TLL2: variants seen among roughly 807,000 people sequenced by gnomAD.
The protein encoded by TLL2 is tolloid like 2.
A neutral mutation model predicts 123.0 loss-of-function variants in TLL2; 106 were observed. The ratio of observed to expected loss-of-function variants is 0.86; its 90% CI spans 0.74 to 1.01. The LOEUF (loss-of-function observed/expected upper bound fraction) is 1.01, where lower values mean the gene tolerates loss of function less well. Ranked by LOEUF, TLL2 falls within the 50% of genes least tolerant of loss-of-function variation. The probability of loss-of-function intolerance (pLI) is 0.00; values close to 1 mark genes in which losing one functional copy is unlikely to be tolerated. For synonymous variants in TLL2, 494 were observed against 516.8 expected, an observed-to-expected ratio of 0.96 and a Z score of 0.60; for missense variants, 1,332 against 1,336.7, an observed-to-expected ratio of 1.00 and a Z score of 0.06.
chr10:96,506,275 A>G (rs1001512689), intron 1 of TLL2, among the ~76,000 whole-genome samples: 2 of 150,402 alleles, frequency 1.3e-5, no homozygotes, highest in African/African-American at 2.4e-5. Context: ...AGAAAAAAAA[A>G]AAAGAAAAAA....
intron 7 of TLL2, among the ~76,000 whole-genome samples, chr10:96,417,180 C>T (rs1234379317): frequency 6.6e-6 from 1 of 152,168 alleles, no homozygotes; most frequent in Non-Finnish European, 1.5e-5. Flanking sequence ...TTACAGAATC[C>T]AACATGAGGT....
At chr10:96,483,020 G>C (rs1002505527) in intron 1 of TLL2, among the ~76,000 whole-genome samples, 4 of 152,192 alleles carry the variant, frequency 2.6e-5, no homozygotes, top group Admixed American at 6.5e-5. Context: ...GAAAATAACT[G>C]TATGTGGCTA....
At chr10:96,462,966 C>G (rs943350285) in intron 2 of TLL2, among the ~76,000 whole-genome samples, 1 of 152,224 alleles carries the variant, frequency 6.6e-6, no homozygotes, top group African/African-American at 2.4e-5. Context: ...GGCAGATCAT[C>G]CGGCCTCAGC....
intron 10 of TLL2, among the ~76,000 whole-genome samples, chr10:96,404,663 A>G (rs1252677507): frequency 6.6e-6 from 1 of 151,960 alleles, no homozygotes; most frequent in Non-Finnish European, 1.5e-5. Flanking sequence ...CACAAATCCC[A>G]TCTCCTTCAT....
chr10:96,378,212 A>G (rs931526498), intron 17 of TLL2, among the ~76,000 whole-genome samples: 2 of 152,244 alleles, frequency 1.3e-5, no homozygotes, highest in African/African-American at 4.8e-5. Flanking sequence ...TTTATTCCAG[A>G]GATCAGGGTG....
At chr10:96,435,880 C>T (rs1388824672) in intron 3 of TLL2, among the ~76,000 whole-genome samples, 12 of 152,200 alleles carry the variant, frequency 7.9e-5, no homozygotes. Context: ...TTTCCTGTGT[C>T]TCACATTTTG....
chr10:96,453,273 T>C (rs1055154813), intron 2 of TLL2, among the ~76,000 whole-genome samples: 4 of 152,020 alleles, frequency 2.6e-5, no homozygotes, highest in African/African-American at 9.7e-5. Flanking sequence ...CTGCTCAACA[T>C]GGCGAAACCC....
At chr10:96,440,585 T>C (rs2134084786) in intron 3 of TLL2, among the ~76,000 whole-genome samples, 1 of 152,344 alleles carries the variant, frequency 6.6e-6, no homozygotes, top group South Asian at 2.1e-4. Flanking sequence ...TGGGCAAAAA[T>C]ACTTCTCTAT....
intron 2 of TLL2, among the ~76,000 whole-genome samples, chr10:96,458,280 G>A (rs1473819081): frequency 6.6e-6 from 1 of 152,050 alleles, no homozygotes; most frequent in Non-Finnish European, 1.5e-5. Flanking sequence ...CACCCACTTG[G>A]CCATTCTTCA....
intron 7 of TLL2, among the ~76,000 whole-genome samples, chr10:96,414,561 C>T (rs912533948): frequency 6.6e-6 from 1 of 152,082 alleles, no homozygotes; most frequent in African/African-American, 2.4e-5. Flanking sequence ...CTGCCCTCTC[C>T]CTCTGTCCTC....
chr10:96,382,074 C>T (rs546610181), intron 16 of TLL2, among the ~76,000 whole-genome samples: 19 of 148,482 alleles, frequency 1.3e-4, no homozygotes, highest in Admixed American at 7.3e-4. Context: ...GAATTTCTTT[C>T]TTTTTTTTTT....
intron 2 of TLL2, among the ~76,000 whole-genome samples, chr10:96,447,578 C>T (rs1846910792): frequency 6.6e-6 from 1 of 152,152 alleles, no homozygotes; most frequent in African/African-American, 2.4e-5. Flanking sequence ...CCAATGCCAC[C>T]TGCCCTTGGA....
At chr10:96,387,694 G>A (rs1846250164) in intron 13 of TLL2, among the ~76,000 whole-genome samples, 1 of 152,154 alleles carries the variant, frequency 6.6e-6, no homozygotes, top group African/African-American at 2.4e-5. Flanking sequence ...ATGAGGCTGA[G>A]TTAGCAGGGG....
At chr10:96,429,463 A>C (rs551951958) in intron 4 of TLL2, among the ~76,000 whole-genome samples, 6 of 152,184 alleles carry the variant, frequency 3.9e-5, no homozygotes, top group Non-Finnish European at 8.8e-5. Flanking sequence ...CTGAGCTGCC[A>C]AAACCTAGAG....
In TLL2 at chr10:96,387,001, C is replaced by T. The variant is rs1454680030; in HGVS notation, c.1804G>A (p.Ala602Thr). The T allele has an allele frequency of 6.2e-7, 1 of 1,614,008 alleles. No homozygotes were observed. The highest frequency in any genetic ancestry group is 8.5e-7 in the Non-Finnish European group (1 of 1,180,048). Reference protein sequence around the residue: ...CVNTLGSYKCACDPGYELAAD... With the variant: ...CVNTLGSYKCTCDPGYELAAD... Reference sequence around the variant, plus strand: ...GCCAGCTCGTAGCCAGGGTCACAGGCACACTTGTAGCTGCCCAGCGTGTTC... The same window carrying T: ...GCCAGCTCGTAGCCAGGGTCACAGGTACACTTGTAGCTGCCCAGCGTGTTC... Residue 602 changes from alanine to threonine, a missense_variant, in exon 14 of 21, where the codon GCC becomes ACC. Transcript: ENST00000357947.
chr10:96,400,881 A>G (rs1034687561), intron 10 of TLL2, among the ~76,000 whole-genome samples: 1 of 152,226 alleles, frequency 6.6e-6, no homozygotes, highest in African/African-American at 2.4e-5. Flanking sequence ...CTTTAGGTGC[A>G]ATATCATAAG....
chr10:96,505,889 G>A (rs1847573155), intron 1 of TLL2, among the ~76,000 whole-genome samples: 2 of 152,148 alleles, frequency 1.3e-5, no homozygotes, highest in African/African-American at 2.4e-5. Context: ...TTCTATTAAC[G>A]GCATGATACA....
intron 7 of TLL2, among the ~76,000 whole-genome samples, chr10:96,416,801 T>C (rs1281303649): frequency 6.6e-6 from 1 of 152,198 alleles, no homozygotes; most frequent in East Asian, 1.9e-4. Context: ...GCGGTGACGT[T>C]CCTTCCCTCT....
intron 13 of TLL2, among the ~76,000 whole-genome samples, chr10:96,390,313 T>C (rs1846274845): frequency 6.6e-6 from 1 of 152,216 alleles, no homozygotes; most frequent in Admixed American, 6.5e-5. Context: ...CCCTTCATGG[T>C]GACCTATCAG....
Sources: gnomAD v4.1 joint callset for allele counts (sites outside exome capture counted in the v4.1 genomes callset) on GRCh38, gnomAD v4.1.1 for gene constraint, MANE v1.5 for transcripts, NCBI Gene and HGNC (gene_info 2026-07-23, HGNC 2026-07-21) for gene names.